Variants in EPHA6 observed in about 807,000 individuals in gnomAD.
EPHA6 encodes the protein EPH receptor A6, also known as ephrin type-A receptor 6.
EPHA6 carries 50 observed loss-of-function variants against 112.0 expected under a neutral mutation model. That is an observed-to-expected ratio of 0.45 (90% CI 0.36 to 0.56). EPHA6 has a LOEUF of 0.56. EPHA6 is among the 20% of genes least tolerant of loss of function. The pLI is 0.00. For missense variants in EPHA6, 1,280 were observed against 1,417.4 expected (o/e 0.90, Z 1.56); for synonymous variants, 529 against 490.7 (o/e 1.08, Z -1.03).
At chr3:97,447,825 G>T in intron 6 of EPHA6, 1 of 1,012,974 alleles carries the variant, frequency 9.9e-7, no homozygotes, top group Non-Finnish European at 1.2e-6. Flanking sequence ...CTCTGATTCT[G>T]CAGGTATGGT....
chr3:97,328,128 T>A (rs1046829810), intron 5 of EPHA6, among the ~76,000 whole-genome samples: 1 of 148,760 alleles, frequency 6.7e-6, no homozygotes, highest in Non-Finnish European at 1.5e-5. Context: ...CTATTTCCAT[T>A]TGTTAGTTAT....
chr3:97,711,134 T>C, intron 14 of EPHA6, among the ~76,000 whole-genome samples: 1 of 152,132 alleles, frequency 6.6e-6, no homozygotes, highest in Non-Finnish European at 1.5e-5. Context: ...GTTCTTGTGA[T>C]GGTGAATTGG....
At chr3:97,488,382 G>C (rs938581440) in intron 10 of EPHA6, among the ~76,000 whole-genome samples, 2 of 152,156 alleles carry the variant, frequency 1.3e-5, no homozygotes, top group African/African-American at 4.8e-5. Context: ...ATAAAAGTGA[G>C]TGTCAAGCCT....
At chr3:97,438,513 G>A (rs1221029426) in intron 6 of EPHA6, among the ~76,000 whole-genome samples, 1 of 152,002 alleles carries the variant, frequency 6.6e-6, no homozygotes, top group African/African-American at 2.4e-5. Context: ...TAATATTTAA[G>A]AATTTAAAAG....
intron 14 of EPHA6, among the ~76,000 whole-genome samples, chr3:97,677,082 C>T (rs2031454462): frequency 6.6e-6 from 1 of 151,992 alleles, no homozygotes; most frequent in Admixed American, 6.6e-5. Flanking sequence ...GATACTCATT[C>T]TTCATTTTTA....
intron 1 of EPHA6, among the ~76,000 whole-genome samples, chr3:96,840,849 C>G (rs1180472310): frequency 6.6e-6 from 1 of 151,840 alleles, no homozygotes; most frequent in African/African-American, 2.4e-5. Context: ...GTTGACAAAA[C>G]TGAATTTAAA....
At chr3:97,111,978 A>G (rs908088909) in intron 3 of EPHA6, among the ~76,000 whole-genome samples, 1 of 152,076 alleles carries the variant, frequency 6.6e-6, no homozygotes, top group African/African-American at 2.4e-5. Context: ...TCATTTTGTA[A>G]TTTTAGATTT....
intron 5 of EPHA6, among the ~76,000 whole-genome samples, chr3:97,333,455 CT>C (rs2082899603): frequency 7.4e-6 from 1 of 135,918 alleles, no homozygotes; most frequent in South Asian, 2.4e-4. Context: ...CCTTTACACT[CT>C]GTATGGCTTT....
chr3:97,455,373 G>A (rs963189195), intron 7 of EPHA6, among the ~76,000 whole-genome samples: 5 of 152,006 alleles, frequency 3.3e-5, no homozygotes, highest in African/African-American at 1.2e-4. Flanking sequence ...GCATAATGAA[G>A]TATAGTAACT....
At chr3:96,879,974 A>G (rs1207517225) in intron 2 of EPHA6, among the ~76,000 whole-genome samples, 1 of 152,038 alleles carries the variant, frequency 6.6e-6, no homozygotes, top group African/African-American at 2.4e-5. Context: ...GGGGGCAGTG[A>G]AGGATGAAAA....
intron 14 of EPHA6, among the ~76,000 whole-genome samples, chr3:97,649,094 C>T (rs751869887): frequency 1.3e-5 from 2 of 151,998 alleles, no homozygotes; most frequent in East Asian, 1.9e-4. Flanking sequence ...TCTGTTTTCT[C>T]GCTGCTAATA....
chr3:97,321,031 T>G (rs1439905978), intron 5 of EPHA6, among the ~76,000 whole-genome samples: 2 of 151,976 alleles, frequency 1.3e-5, no homozygotes, highest in South Asian at 2.1e-4. Flanking sequence ...ATTGATTTTT[T>G]TCTGTCTTTA....
intron 2 of EPHA6, among the ~76,000 whole-genome samples, chr3:96,927,537 A>G (rs2040101937): frequency 6.6e-6 from 1 of 152,178 alleles, no homozygotes; most frequent in Non-Finnish European, 1.5e-5. Flanking sequence ...AGTTCCACTT[A>G]TCTCTAGGGT....
At chr3:96,830,715 A>G (rs1233338500) in intron 1 of EPHA6, among the ~76,000 whole-genome samples, 6 of 152,062 alleles carry the variant, frequency 3.9e-5, no homozygotes, top group Non-Finnish European at 8.8e-5. Flanking sequence ...TATATCTTTT[A>G]TAAATAATCT....
chr3:97,236,749 A>G (rs2078690963), intron 4 of EPHA6, among the ~76,000 whole-genome samples: 1 of 152,130 alleles, frequency 6.6e-6, no homozygotes, highest in South Asian at 2.1e-4. Flanking sequence ...TCTAAGGCTA[A>G]CAGTGTAAAG....
chr3:97,565,688 A>G (rs1417103967), intron 11 of EPHA6, among the ~76,000 whole-genome samples: 1 of 152,136 alleles, frequency 6.6e-6, no homozygotes, highest in Non-Finnish European at 1.5e-5. Context: ...TTTTTGCATT[A>G]TTATAAAGGA....
intron 2 of EPHA6, among the ~76,000 whole-genome samples, chr3:96,935,992 T>C (rs983891117): frequency 4.3e-4 from 66 of 151,946 alleles, no homozygotes; most frequent in African/African-American, 1.5e-3. Flanking sequence ...AAATTTGATA[T>C]AGCTTTCCTA....
chr3:97,371,198 A>G (rs958683520), intron 5 of EPHA6, among the ~76,000 whole-genome samples: 10 of 152,074 alleles, frequency 6.6e-5, no homozygotes, highest in African/African-American at 2.4e-4. Context: ...AATAGATGCA[A>G]GCTTTATGTT....
chr3:97,173,765 A>G (rs1235727088), intron 3 of EPHA6, among the ~76,000 whole-genome samples: 7 of 151,822 alleles, frequency 4.6e-5, no homozygotes, highest in African/African-American at 1.7e-4. Context: ...GCAAACATGT[A>G]AGAGGTGTAT....
Sources: gnomAD v4.1 joint callset for allele counts (sites outside exome capture counted in the v4.1 genomes callset) on GRCh38, gnomAD v4.1.1 for gene constraint, MANE v1.5 for transcripts, NCBI Gene and HGNC (gene_info 2026-07-23, HGNC 2026-07-21) for gene names.